RABEP2: variants seen among roughly 807,000 people sequenced by gnomAD.
The protein encoded by RABEP2 is rab GTPase-binding effector protein 2.
A neutral mutation model predicts 74.1 loss-of-function variants in RABEP2; 57 were observed. The observed-to-expected ratio is 0.77, with a 90% CI of 0.62 to 0.96. The LOEUF (loss-of-function observed/expected upper bound fraction) is 0.96. Among genes scored for constraint, RABEP2 ranks in the 40% least tolerant of loss-of-function variants. RABEP2 has a pLI of 0.00. For missense variants in RABEP2, 692 were observed against 756.3 expected (o/e 0.91, Z 1.00); for synonymous variants, 351 against 344.0 (o/e 1.02, Z -0.23).
chr16:28,909,010 T>C (rs1964274468), intron 7 of RABEP2, among the ~76,000 whole-genome samples: 1 of 149,756 alleles, frequency 6.7e-6, no homozygotes, highest in Non-Finnish European at 1.5e-5. Context: ...TATATATATA[T>C]ATATATATAT....
At chr16:28,921,014 C>A in intron 2 of RABEP2, 1 of 363,390 alleles carries the variant, frequency 2.8e-6, no homozygotes, top group Admixed American at 3.3e-5. Flanking sequence ...CAGGCACAAA[C>A]TAGCATGCCT....
intron 2 of RABEP2, 32 bp from the exon 3 acceptor site, chr16:28,919,975 G>T (rs1201091777): frequency 2.6e-6 from 4 of 1,543,086 alleles, no homozygotes; most frequent in Non-Finnish European, 3.5e-6. Context: ...GGGAGAGAGG[G>T]AGGGTCAATG....
chr16:28,915,961 T>C (rs907304944), intron 3 of RABEP2, among the ~76,000 whole-genome samples: 6 of 152,026 alleles, frequency 3.9e-5, no homozygotes, highest in Non-Finnish European at 8.8e-5. Context: ...TGCCTCAGCC[T>C]CCCAAGTAGC....
chr16:28,922,650 G>A (rs1045969365), intron 2 of RABEP2, among the ~76,000 whole-genome samples: 4 of 151,938 alleles, frequency 2.6e-5, no homozygotes, highest in Admixed American at 6.6e-5. Flanking sequence ...GCATGAACCC[G>A]GGAGGTGGAG....
intron 2 of RABEP2, among the ~76,000 whole-genome samples, chr16:28,922,532 T>C (rs1964480602): frequency 6.6e-6 from 1 of 151,824 alleles, no homozygotes; most frequent in South Asian, 2.1e-4. Context: ...CCATCCTGGC[T>C]AACACAGTGA....
intron 5 of RABEP2, 22 bp downstream of exon 5, chr16:28,914,214 C>T: frequency 6.4e-7 from 1 of 1,554,566 alleles, no homozygotes; most frequent in Non-Finnish European, 8.7e-7. Flanking sequence ...GTACACCCCG[C>T]CACCCTGCCC....
intron 3 of RABEP2, among the ~76,000 whole-genome samples, chr16:28,918,415 C>G (rs1258755416): frequency 6.6e-6 from 1 of 152,076 alleles, no homozygotes; most frequent in East Asian, 1.9e-4. Flanking sequence ...GAGTTCAAGA[C>G]CAGCCTGGCC....
In RABEP2 at chr16:28,925,209, C is replaced by G. The variant is rs1203836179; in HGVS notation, c.-46G>C. On this transcript the variant is annotated 5_prime_UTR_variant, in exon 1 of 13. Transcript: ENST00000358201. ...ATTCCCGCACTCCCTGGTGACGGAG[C>G]GCACCGCTTCCGGGTCCTCTCGGCT... 6.6e-7 allele frequency: 1 copy of G among 1,508,440 alleles called. No individual in the cohort carries two copies. The allele number at this position is 1,508,440 out of a possible 1,614,324, so 93.4% of individuals were successfully genotyped here. A position where few individuals can be genotyped will look rare whatever the true frequency, so the allele number is the denominator to read the frequency against.
At chr16:28,912,062 T>C (rs1331009591) in intron 5 of RABEP2, among the ~76,000 whole-genome samples, 2 of 151,812 alleles carry the variant, frequency 1.3e-5, no homozygotes, top group Non-Finnish European at 1.5e-5. Flanking sequence ...CTGGCTAACA[T>C]GGTGAAACCC....
Position 28,924,617 on chromosome 16 carries a change from T to C in RABEP2, c.62-2A>G. ...CCTGGGACCGGGAGTCCTCCAGTGC[T>C]GTGGGGGACAGGGATCAGCCTCTCT... is the stretch of plus-strand genomic sequence containing the variant. On this transcript the variant is annotated splice_acceptor_variant, in intron 1 of 12. Coordinates refer to ENST00000358201, the MANE Select transcript of RABEP2 (RefSeq NM_024816.3). LOFTEE classifies it high-confidence loss of function. 1.9e-6 allele frequency: 3 copies of C among 1,607,516 alleles called. No homozygotes were observed. The South Asian group carries it at 3.3e-5, about 18-fold the overall frequency.
At chr16:28,921,663 T>C in intron 2 of RABEP2, among the ~76,000 whole-genome samples, 1 of 150,432 alleles carries the variant, frequency 6.6e-6, no homozygotes, top group East Asian at 2.0e-4. Flanking sequence ...TTTTTTTTTT[T>C]TTTTTTTTTA....
At chr16:28,915,934 G>A (rs1379149689) in intron 3 of RABEP2, among the ~76,000 whole-genome samples, 1 of 151,638 alleles carries the variant, frequency 6.6e-6, no homozygotes, top group Non-Finnish European at 1.5e-5. Flanking sequence ...CTGCCTCCTA[G>A]GTTCAAGCGA....
rs1239625276 is a variant in RABEP2, at chr16:28,906,097, G to A, written c.1345C>T (p.Leu449=). ...GTCTCCTCCTCCAGAGCCTCCCGCA[G>A]CGTCACGATCTCGATCCGCAGGCGC... ...AERLRIEIVT[L]REALEEETVA... Residue 449 remains leucine (L), a synonymous_variant, in exon 9 of 13, where the codon CTG becomes TTG. Transcript: ENST00000358201. 1 of 1,596,876 alleles carries A rather than the reference G, an allele frequency of 6.3e-7. No homozygotes were observed. Among genetic ancestry groups the A allele is most frequent in the Non-Finnish European group, 8.5e-7 (1 of 1,172,762 alleles).
At chr16:28,919,528 C>T (rs1056845511) in intron 3 of RABEP2, among the ~76,000 whole-genome samples, 6 of 152,142 alleles carry the variant, frequency 3.9e-5, no homozygotes, top group Admixed American at 2.0e-4. Flanking sequence ...TTTTTTGTTA[C>T]CCTTAAGTGT....
At chr16:28,905,081 G>T (rs139347636) in intron 12 of RABEP2, 37 bp from the exon 13 acceptor site, 2 of 1,546,258 alleles carry the variant, frequency 1.3e-6, no homozygotes, top group East Asian at 2.3e-5. Flanking sequence ...GTGCACTTGT[G>T]GGGAAACGCA....
Position 28,904,915 on chromosome 16 carries a change from AG to A in RABEP2, c.*27del. On this transcript the variant is annotated 3_prime_UTR_variant, in exon 13 of 13. Coordinates refer to ENST00000358201, the MANE Select transcript of RABEP2 (RefSeq NM_024816.3). ...AGGAGTGGGGAAAGGCGTCTTTCCC[AG>A]GGTGGGGGTGGGGATATCCTGACCC... 1 of 1,537,782 alleles carries A rather than the reference AG, an allele frequency of 6.5e-7. No individual in the cohort carries two copies.
chr16:28,914,094 G>T, intron 5 of RABEP2, 142 bp downstream of exon 5: 1 of 685,920 alleles, frequency 1.5e-6, no homozygotes, highest in Non-Finnish European at 2.4e-6. Flanking sequence ...GTTTACATCT[G>T]CCTGCCTTCA....
chr16:28,905,771 G>A lies in RABEP2; in HGVS notation c.1436-12C>T, dbSNP rs901495902. On this transcript the variant is annotated splice_polypyrimidine_tract_variant and intron_variant, in intron 10 of 12. Transcript: ENST00000358201. ...GCTGCACAGGGAGGCTGGGAAGTCA[G>A]GGCAGGGGGAGACGTCAGGGCCATG... The A allele has an allele frequency of 6.2e-7, 1 of 1,613,990 alleles. No individual in the cohort carries two copies. The highest frequency in any genetic ancestry group is 8.5e-7 in the Non-Finnish European group (1 of 1,179,986).
intron 3 of RABEP2, among the ~76,000 whole-genome samples, chr16:28,916,987 C>CAAAAAAAAAAAA (rs568583339): frequency 1.1e-5 from 1 of 92,302 alleles, no homozygotes; most frequent in Non-Finnish European, 2.3e-5. Context: ...GACTCCATCT[C>CAAAAAAAAAAAA]AAAAAAAAAA....
Sources: allele counts gnomAD v4.1 joint callset (sites outside exome capture counted in the v4.1 genomes callset), GRCh38; gene constraint gnomAD v4.1.1; transcripts MANE v1.5; gene names NCBI Gene and HGNC (gene_info 2026-07-23, HGNC 2026-07-21).